The following FGF14 variants were observed in gnomAD, a reference collection of about 807,000 sequenced individuals.
The protein encoded by FGF14 is fibroblast growth factor 14, also known as fibroblast growth factor homologous factor 4.
In FGF14, 5 loss-of-function variants were observed where a neutral mutation model predicts 25.5. The ratio of observed to expected loss-of-function variants is 0.20; its 90% CI spans 0.10 to 0.41. The LOEUF (loss-of-function observed/expected upper bound fraction) is 0.41, where lower values mean the gene tolerates loss of function less well. FGF14 is among the 10% of genes least tolerant of loss of function. The pLI is 1.00. For missense variants in FGF14, 222 were observed against 320.1 expected (o/e 0.69, Z 2.34); for synonymous variants, 138 against 118.3 (o/e 1.17, Z -1.08).
intron 1 of FGF14, among the ~76,000 whole-genome samples, chr13:102,347,583 C>T (rs2057148537): frequency 6.6e-6 from 1 of 152,160 alleles, no homozygotes; most frequent in Admixed American, 6.5e-5. Context: ...ATGAAGCCCT[C>T]TCGCACTTTT....
intron 1 of FGF14, among the ~76,000 whole-genome samples, chr13:102,118,778 T>G (rs1284164974): frequency 6.6e-6 from 1 of 152,170 alleles, no homozygotes; most frequent in Non-Finnish European, 1.5e-5. Context: ...TCTGAAGATA[T>G]TTCATATTTG....
intron 1 of FGF14, among the ~76,000 whole-genome samples, chr13:102,131,117 T>C (rs1410476545): frequency 6.6e-6 from 1 of 152,168 alleles, no homozygotes; most frequent in Non-Finnish European, 1.5e-5. Context: ...TGTCCCCTCA[T>C]AGACATGAAT....
intron 1 of FGF14, among the ~76,000 whole-genome samples, chr13:102,104,426 ATTTAC>A (rs2044805876): frequency 6.6e-6 from 1 of 152,174 alleles, no homozygotes; most frequent in Admixed American, 6.5e-5. Flanking sequence ...AGTGGCATTT[ATTTAC>A]TTATCTTCCG....
chr13:101,789,372 TG>T (rs1370292767), intron 3 of FGF14, among the ~76,000 whole-genome samples: 4 of 152,208 alleles, frequency 2.6e-5, no homozygotes, highest in African/African-American at 9.6e-5. Context: ...GATTCATAGG[TG>T]CCTTCATGCC....
intron 1 of FGF14, among the ~76,000 whole-genome samples, chr13:101,975,055 A>T (rs1809320486): frequency 6.6e-6 from 1 of 151,938 alleles, no homozygotes; most frequent in Non-Finnish European, 1.5e-5. Context: ...AGATGAAGGG[A>T]TGCGTTGATT....
chr13:102,015,924 C>A (rs1473616902), intron 1 of FGF14, among the ~76,000 whole-genome samples: 1 of 151,972 alleles, frequency 6.6e-6, no homozygotes, highest in Non-Finnish European at 1.5e-5. Context: ...ATTGCAAAAA[C>A]CAATAGAAAT....
At chr13:102,211,074 T>C (rs1003738508) in intron 1 of FGF14, among the ~76,000 whole-genome samples, 1 of 152,122 alleles carries the variant, frequency 6.6e-6, no homozygotes, top group Non-Finnish European at 1.5e-5. Flanking sequence ...TTTTTATCTT[T>C]CTATCTCTCT....
chr13:102,012,219 G>A lies in FGF14; in HGVS notation c.209-136923C>T, dbSNP rs572031516. Reference sequence around the variant, plus strand: ...AAGAGAAGGAGGGGCTGGGGGTGAAGGGGCAGAGAAGAAAAGATCATGGTC... The same window carrying A: ...AAGAGAAGGAGGGGCTGGGGGTGAAAGGGCAGAGAAGAAAAGATCATGGTC... On this transcript the variant is annotated intron_variant, in intron 1 of 4. Transcript: ENST00000376131. 1.2e-4 allele frequency among the ~76,000 whole-genome samples: 18 copies of A among 152,252 alleles called. No homozygotes were observed. The South Asian group carries it at 2.3e-3, about 19-fold the overall frequency.
rs2058686787 is a variant in FGF14 at position 102,400,839 on chromosome 13, T to A, written c.208+632A>T. Among the ~76,000 whole-genome samples, 1 of 151,824 alleles carries A rather than the reference T, an allele frequency of 6.6e-6. No homozygotes were observed. Among genetic ancestry groups the A allele is most frequent in the Admixed American group, 6.6e-5 (1 of 15,254 alleles). ...CTTGTCCTCTCAGTCTGGGGTTCCC[T>A]CCCGGCGCAAGCCTTGCTCAAGTAT... is the stretch of plus-strand genomic sequence containing the variant. On this transcript the variant is annotated intron_variant, in intron 1 of 4. Coordinates refer to the FGF14 transcript ENST00000376131. The surrounding 1 kb of genome is among the most constrained non-coding windows in gnomAD (Gnocchi z 4.3).
In FGF14 at chr13:102,060,030, A is replaced by C. The variant is rs529221478; in HGVS notation, c.209-184734T>G. On this transcript the variant is annotated intron_variant, in intron 1 of 4. Transcript: ENST00000376131. ...GAAATCCAAAATGTTCCAAAATTCC[A>C]AACTTTTTGAGTGCCAGCATAACAT... 1.2e-3 allele frequency among the ~76,000 whole-genome samples: 176 copies of C among 152,302 alleles called. 1 individual carries two copies. Among genetic ancestry groups the C allele is most frequent in the African/African-American group, 4.0e-3 (168 of 41,562 alleles).
chr13:102,270,024 A>G (rs2053172792), intron 1 of FGF14, among the ~76,000 whole-genome samples: 1 of 152,162 alleles, frequency 6.6e-6, no homozygotes, highest in Non-Finnish European at 1.5e-5. Context: ...ACTGTGCCTG[A>G]GCAAGTTTAA....
chr13:102,369,904 C>T (rs1377001606), intron 1 of FGF14, among the ~76,000 whole-genome samples: 3 of 152,118 alleles, frequency 2.0e-5, no homozygotes, highest in African/African-American at 4.8e-5. Context: ...TAATGCTGAG[C>T]GACAAAGCTA....
chr13:101,769,856 A>G (rs1383872681), intron 3 of FGF14, among the ~76,000 whole-genome samples: 2 of 152,126 alleles, frequency 1.3e-5, no homozygotes, highest in Non-Finnish European at 2.9e-5. Flanking sequence ...CAGTGAAAAT[A>G]CTCTGTATGA....
At chr13:101,792,521 G>A (rs1306297358) in intron 3 of FGF14, among the ~76,000 whole-genome samples, 1 of 152,036 alleles carries the variant, frequency 6.6e-6, no homozygotes, top group Admixed American at 6.6e-5. Flanking sequence ...TAGAATCAAG[G>A]CCATTTTCGT....
At chr13:101,724,428 A>C (rs1486902654) in intron 4 of FGF14, among the ~76,000 whole-genome samples, 14 of 145,608 alleles carry the variant, frequency 9.6e-5, no homozygotes, top group African/African-American at 2.3e-4. Context: ...AACATCACAC[A>C]CACGGGCCTG....
chr13:101,772,941 G>A (rs1401981601), intron 3 of FGF14, among the ~76,000 whole-genome samples: 1 of 152,000 alleles, frequency 6.6e-6, no homozygotes, highest in African/African-American at 2.4e-5. Flanking sequence ...AATTTACTCT[G>A]TTGATTTCTA....
intron 1 of FGF14, among the ~76,000 whole-genome samples, chr13:102,304,414 C>G (rs373018693): frequency 6.6e-6 from 1 of 152,248 alleles, no homozygotes; most frequent in African/African-American, 2.4e-5. Context: ...TTCCCTAACA[C>G]GGGTTCTCTA....
chr13:102,198,829 A>C (rs118124348), intron 1 of FGF14, among the ~76,000 whole-genome samples: 1 of 152,298 alleles, frequency 6.6e-6, no homozygotes, highest in Non-Finnish European at 1.5e-5. Flanking sequence ...CTCATGTGGT[A>C]TCTCTGACAT....
At chr13:101,874,167 A>G (rs2045268298) in intron 2 of FGF14, among the ~76,000 whole-genome samples, 1 of 152,054 alleles carries the variant, frequency 6.6e-6, no homozygotes, top group South Asian at 2.1e-4. Context: ...TGATCACTGG[A>G]ATTTAAAAAA....
Sources: allele counts gnomAD v4.1 joint callset (sites outside exome capture counted in the v4.1 genomes callset), GRCh38; gene constraint gnomAD v4.1.1; non-coding constraint Gnocchi (gnomAD v3.1); transcripts MANE v1.5; gene names NCBI Gene and HGNC (gene_info 2026-07-23, HGNC 2026-07-21).